PDGFC: variants seen among roughly 807,000 people sequenced by gnomAD.
PDGFC encodes the protein platelet-derived growth factor C.
In PDGFC, 12 loss-of-function variants were observed where a neutral mutation model predicts 35.5. That is an observed-to-expected ratio of 0.34 (90% CI 0.22 to 0.55). The LOEUF is 0.55. PDGFC is among the 20% of genes least tolerant of loss of function. PDGFC has a pLI of 0.91. For synonymous variants in PDGFC, 159 were observed against 148.8 expected (o/e 1.07, Z -0.50); for missense variants, 322 against 412.4 (o/e 0.78, Z 1.90).
intron 2 of PDGFC, among the ~76,000 whole-genome samples, chr4:156,818,737 C>T (rs1254932674): frequency 1.3e-5 from 2 of 151,950 alleles, no homozygotes; most frequent in African/African-American, 2.4e-5. Context: ...CTCCTGACCT[C>T]GTGATCCGCC....
At chr4:156,791,357 C>T (rs865819614) in intron 3 of PDGFC, among the ~76,000 whole-genome samples, 9 of 152,072 alleles carry the variant, frequency 5.9e-5, no homozygotes, top group Non-Finnish European at 2.9e-5. Flanking sequence ...TTGTTGATAT[C>T]CAGCTTATCG....
chr4:156,898,661 C>A (rs1415238647), intron 1 of PDGFC, among the ~76,000 whole-genome samples: 1 of 149,410 alleles, frequency 6.7e-6, no homozygotes, highest in South Asian at 2.1e-4. Flanking sequence ...TTTTTCTTTT[C>A]TTTTGCTCTT....
At position 156,800,101 on chromosome 4, in the gene PDGFC, T is replaced by C. The variant is rs1731558227; in HGVS notation, c.495+10736A>G. ...GGCAGTCTGATTTTAAAGAGAACTC[T>C]CTTCACTCTATATATGTTGAGTTTT... On this transcript the variant is annotated intron_variant, in intron 3 of 5. Coordinates refer to ENST00000502773, the MANE Select transcript of PDGFC (RefSeq NM_016205.3). Among the ~76,000 whole-genome samples the C allele has an allele frequency of 2.0e-5, 3 of 152,282 alleles. No individual in the cohort carries two copies. In the South Asian group the frequency reaches 6.2e-4, roughly 32 times the overall value.
intron 1 of PDGFC, among the ~76,000 whole-genome samples, chr4:156,922,259 C>T (rs1426472296): frequency 6.6e-6 from 1 of 151,496 alleles, no homozygotes; most frequent in Admixed American, 6.6e-5. Context: ...TTCAGCTAAA[C>T]ATTGTTCATG....
At chr4:156,899,980 A>G (rs1437982806) in intron 1 of PDGFC, among the ~76,000 whole-genome samples, 1 of 152,170 alleles carries the variant, frequency 6.6e-6, no homozygotes, top group East Asian at 1.9e-4. Context: ...TGGTAATCTG[A>G]CTTATCATAA....
intron 2 of PDGFC, among the ~76,000 whole-genome samples, chr4:156,825,964 C>T (rs1010280778): frequency 2.0e-5 from 3 of 151,554 alleles, no homozygotes; most frequent in Admixed American, 2.0e-4. Flanking sequence ...TAACTCCTAG[C>T]CCCAAGGGAT....
chr4:156,805,456 A>C (rs1171147460), intron 3 of PDGFC, among the ~76,000 whole-genome samples: 1 of 152,068 alleles, frequency 6.6e-6, no homozygotes, highest in African/African-American at 2.4e-5. Context: ...TTGGTTTAAC[A>C]ATAGGGGAAT....
chr4:156,875,639 C>T (rs1158196213), intron 1 of PDGFC, among the ~76,000 whole-genome samples: 2 of 152,096 alleles, frequency 1.3e-5, no homozygotes, highest in Non-Finnish European at 2.9e-5. Context: ...GATTTAAGGC[C>T]GGGCGCAGTG....
At chr4:156,969,125 A>G (rs1235243636) in intron 1 of PDGFC, among the ~76,000 whole-genome samples, 1 of 152,236 alleles carries the variant, frequency 6.6e-6, no homozygotes, top group East Asian at 1.9e-4. Context: ...GATATGGGAC[A>G]GGAACAATAA....
At chr4:156,775,686 A>G (rs1439391708) in intron 3 of PDGFC, among the ~76,000 whole-genome samples, 1 of 152,224 alleles carries the variant, frequency 6.6e-6, no homozygotes, top group Non-Finnish European at 1.5e-5. Flanking sequence ...TGGGCAAACA[A>G]AAGATGCACA....
At chr4:156,944,474 T>C (rs1040163003) in intron 1 of PDGFC, among the ~76,000 whole-genome samples, 1 of 152,128 alleles carries the variant, frequency 6.6e-6, no homozygotes, top group Non-Finnish European at 1.5e-5. Flanking sequence ...TGATTAAAAA[T>C]GAAAAATAAA....
At chr4:156,929,594 G>A (rs1731502100) in intron 1 of PDGFC, among the ~76,000 whole-genome samples, 1 of 151,946 alleles carries the variant, frequency 6.6e-6, no homozygotes, top group East Asian at 1.9e-4. Context: ...AAACACAAAA[G>A]AGTTATCCAA....
intron 1 of PDGFC, among the ~76,000 whole-genome samples, chr4:156,894,299 A>T (rs1217921585): frequency 6.6e-6 from 1 of 152,128 alleles, no homozygotes; most frequent in Non-Finnish European, 1.5e-5. Flanking sequence ...ATAATGTAGG[A>T]TTTTATCATC....
chr4:156,890,511 C>T (rs1025971444), intron 1 of PDGFC, among the ~76,000 whole-genome samples: 1 of 152,138 alleles, frequency 6.6e-6, no homozygotes, highest in Admixed American at 6.5e-5. Flanking sequence ...CAAGTCTGAG[C>T]TTTTCTGACC....
chr4:156,769,484 T>C (rs553188467), intron 4 of PDGFC, among the ~76,000 whole-genome samples: 1 of 151,948 alleles, frequency 6.6e-6, no homozygotes, highest in Non-Finnish European at 1.5e-5. Flanking sequence ...GACTAAAACC[T>C]GAGTCAAGTA....
intron 3 of PDGFC, among the ~76,000 whole-genome samples, chr4:156,796,327 C>T (rs922026029): frequency 1.3e-5 from 2 of 151,270 alleles, no homozygotes; most frequent in African/African-American, 2.4e-5. Flanking sequence ...TATTTAGTAC[C>T]CCCATAGTGT....
chr4:156,890,776 G>C (rs1206761066), intron 1 of PDGFC, among the ~76,000 whole-genome samples: 3 of 152,258 alleles, frequency 2.0e-5, no homozygotes, highest in Admixed American at 1.3e-4. Context: ...TGTTACATGT[G>C]AATATTGGTA....
intron 2 of PDGFC, among the ~76,000 whole-genome samples, chr4:156,825,593 T>TAAGAAGAAGAAGAAGAAGAAG (rs60033232): frequency 6.0e-4 from 37 of 62,180 alleles, no homozygotes; most frequent in East Asian, 3.8e-3. Flanking sequence ...ATAATAATAA[T>TAAGAAGAAGAAGAAGAAGAAG]AAGAAGAAGA....
At chr4:156,763,545 A>G (rs1730441753) in intron 5 of PDGFC, among the ~76,000 whole-genome samples, 1 of 152,184 alleles carries the variant, frequency 6.6e-6, no homozygotes, top group African/African-American at 2.4e-5. Context: ...GGAACTACCA[A>G]TATAAAATTC....
Sources: gnomAD v4.1 joint callset for allele counts (sites outside exome capture counted in the v4.1 genomes callset) on GRCh38, gnomAD v4.1.1 for gene constraint, MANE v1.5 for transcripts, NCBI Gene and HGNC (gene_info 2026-07-23, HGNC 2026-07-21) for gene names.